The following DCLRE1C variants were observed in gnomAD, a reference collection of about 807,000 sequenced individuals.
DCLRE1C encodes protein artemis.
In DCLRE1C, 47 loss-of-function variants were observed where a neutral mutation model predicts 61.4. That is an observed-to-expected ratio of 0.77 (90% CI 0.61 to 0.98). The LOEUF (loss-of-function observed/expected upper bound fraction) is 0.98, where lower values mean the gene tolerates loss of function less well. DCLRE1C is among the 50% of genes least tolerant of loss of function. The pLI, the probability that DCLRE1C is intolerant of heterozygous loss-of-function variation, is 0.00. For missense variants in DCLRE1C, 858 were observed against 816.0 expected (o/e 1.05, Z -0.63); for synonymous variants, 337 against 287.6 (o/e 1.17, Z -1.74).
chr10:14,936,211 A>G (rs1441607099), intron 5 of DCLRE1C, among the ~76,000 whole-genome samples: 1 of 151,988 alleles, frequency 6.6e-6, no homozygotes, highest in Non-Finnish European at 1.5e-5. Context: ...CTTCCATTTT[A>G]TAAGAAACGT....
chr10:14,917,544 A>G (rs1161442019), intron 13 of DCLRE1C, among the ~76,000 whole-genome samples: 1 of 152,042 alleles, frequency 6.6e-6, no homozygotes, highest in Non-Finnish European at 1.5e-5. Context: ...TAGTAATATG[A>G]TGGGTGCAGT....
chr10:14,947,210 TCAAACAAA>T lies in DCLRE1C; in HGVS notation c.161+1818_161+1825del, dbSNP rs72262542. Among the ~76,000 whole-genome samples, 92 of 150,040 alleles carry T rather than the reference TCAAACAAA, an allele frequency of 6.1e-4. 1 individual carries two copies. Among genetic ancestry groups the T allele is most frequent in the Middle Eastern group, 3.4e-3 (1 of 292 alleles). Reference sequence around the variant, plus strand: ...CTGGGCAGCAGAGTTCGACTCTGTTTCAAACAAACAAACAAACAAACAAACAAACAAAA... The same window carrying T: ...CTGGGCAGCAGAGTTCGACTCTGTTTCAAACAAACAAACAAACAAACAAAA... On this transcript the variant is annotated intron_variant, in intron 2 of 13. Transcript: ENST00000378278.
chr10:14,920,308 T>C, intron 12 of DCLRE1C: 12 of 866,896 alleles, frequency 1.4e-5, no homozygotes, highest in Non-Finnish European at 1.7e-5. Context: ...TCTAGGTCCT[T>C]AGGCTGAAAG....
intron 10 of DCLRE1C, 148 bp from the exon 11 acceptor site, chr10:14,927,045 G>A: frequency 1.4e-6 from 1 of 702,502 alleles, no homozygotes; most frequent in Non-Finnish European, 2.5e-6. Context: ...CCCTAAATCA[G>A]GAATTTCTTC....
At chr10:14,912,383 ATTTTC>A (rs1453463038) in intron 13 of DCLRE1C, among the ~76,000 whole-genome samples, 4 of 151,954 alleles carry the variant, frequency 2.6e-5, no homozygotes, top group African/African-American at 7.3e-5. Flanking sequence ...AGTATGTGTT[ATTTTC>A]TTAGGGCAGC....
downstream of DCLRE1C, chr10:14,902,332 T>C (rs1005622588): frequency 9.8e-7 from 1 of 1,017,834 alleles, no homozygotes; most frequent in Non-Finnish European, 1.4e-6. Context: ...AAAGCTAATA[T>C]AATAGAAAAT....
At chr10:14,913,816 T>C (rs1201208764) in intron 13 of DCLRE1C, among the ~76,000 whole-genome samples, 3 of 152,180 alleles carry the variant, frequency 2.0e-5, no homozygotes, top group African/African-American at 7.2e-5. Flanking sequence ...TTAATATGAC[T>C]TGAGCATCTG....
chr10:14,930,525 T>C (rs1838813084), intron 9 of DCLRE1C, among the ~76,000 whole-genome samples: 1 of 152,016 alleles, frequency 6.6e-6, no homozygotes, highest in African/African-American at 2.4e-5. Flanking sequence ...CTCCGCCTCC[T>C]AGGTTCAAGT....
chr10:14,931,272 C>T (rs1284716339), intron 9 of DCLRE1C, among the ~76,000 whole-genome samples: 6 of 152,086 alleles, frequency 3.9e-5, no homozygotes, highest in Admixed American at 2.6e-4. Context: ...CATTAGAAAA[C>T]GAATGAGGCT....
Position 14,908,397 on chromosome 10 carries a change from G to A in DCLRE1C, c.*11C>T, listed in dbSNP as rs374087349. ...TTTAGTGGTTGCTCTAGGTTGAAAC[G>A]CTTTGAATTCTTAGGTATCTAAGAG... On this transcript the variant is annotated 3_prime_UTR_variant, in exon 14 of 14. Coordinates refer to ENST00000378278, the MANE Select transcript of DCLRE1C (RefSeq NM_001033855.3). The A allele has an allele frequency of 1.1e-4, 180 of 1,605,238 alleles. No individual in the cohort carries two copies. The highest frequency in any genetic ancestry group is 1.6e-4 in the Middle Eastern group (1 of 6,076).
exon 14 of DCLRE1C, chr10:14,898,915 CAG>C: frequency 3.2e-6 from 1 of 314,998 alleles, no homozygotes; most frequent in Non-Finnish European, 5.8e-6. Context: ...CATATACTTG[CAG>C]ATTTAGTCCT....
In DCLRE1C at chr10:14,945,209, A is replaced by C. The variant is rs771252973; in HGVS notation, c.162-20T>G. ...TTCAAGCTGAAAGGAAAAAAGAAAA[A>C]AACTTTCAGTACAATCCAAAATGAG... On this transcript the variant is annotated intron_variant, in intron 2 of 13. Transcript: ENST00000378278. 1 of 1,603,768 alleles carries C rather than the reference A, an allele frequency of 6.2e-7. No homozygotes were observed. The highest frequency in any genetic ancestry group is 1.7e-5 in the Admixed American group (1 of 59,696).
intron 9 of DCLRE1C, among the ~76,000 whole-genome samples, chr10:14,931,602 G>T (rs936569100): frequency 6.6e-6 from 1 of 151,940 alleles, no homozygotes; most frequent in Non-Finnish European, 1.5e-5. Flanking sequence ...CAAATGACAT[G>T]TGACTTGCAA....
rs1834267361 is a variant in DCLRE1C, at chr10:14,904,908, A to G, written c.*3500T>C. Among the ~76,000 whole-genome samples the G allele has an allele frequency of 6.6e-6, 1 of 152,246 alleles. No individual in the cohort carries two copies. Among genetic ancestry groups the G allele is most frequent in the South Asian group, 2.1e-4 (1 of 4,832 alleles). On this transcript the variant is annotated 3_prime_UTR_variant, in exon 14 of 14. Coordinates refer to ENST00000378278, the MANE Select transcript of DCLRE1C (RefSeq NM_001033855.3). ...TACCATCATTTTCAGGATCTACATT[A>G]AGAGGATGGTGATACATAATTAGTA...
chr10:14,897,774 C>T (rs796510603), exon 14 of DCLRE1C: 11 of 255,882 alleles, frequency 4.3e-5, no homozygotes, highest in African/African-American at 1.5e-4. Context: ...ACTAGTCAAA[C>T]CTAGGATTTG....
intron 12 of DCLRE1C, among the ~76,000 whole-genome samples, chr10:14,922,051 C>T (rs779481178): frequency 1.3e-5 from 2 of 152,226 alleles, no homozygotes; most frequent in African/African-American, 2.4e-5. Flanking sequence ...CCTTTGCACC[C>T]GGCCTCTCCG....
intron 2 of DCLRE1C, among the ~76,000 whole-genome samples, chr10:14,946,380 C>T (rs576773197): frequency 6.6e-6 from 1 of 152,084 alleles, no homozygotes; most frequent in East Asian, 1.9e-4. Flanking sequence ...TTGTATTTTC[C>T]AAAGATGGCC....
intron 1 of DCLRE1C, among the ~76,000 whole-genome samples, chr10:14,950,484 T>C (rs773161164): frequency 2.0e-5 from 3 of 151,908 alleles, no homozygotes; most frequent in Non-Finnish European, 2.9e-5. Context: ...TGGCCATCAT[T>C]AGACCCAGTG....
At chr10:14,933,359 A>G (rs1293401822) in intron 8 of DCLRE1C, among the ~76,000 whole-genome samples, 1 of 152,220 alleles carries the variant, frequency 6.6e-6, no homozygotes, top group African/African-American at 2.4e-5. Context: ...ACCCTCAGCC[A>G]GGTGCTGTGG....
Sources: allele counts gnomAD v4.1 joint callset (sites outside exome capture counted in the v4.1 genomes callset), GRCh38; gene constraint gnomAD v4.1.1; transcripts MANE v1.5; gene names NCBI Gene and HGNC (gene_info 2026-07-23, HGNC 2026-07-21).